Variants in HOOK1 observed in about 807,000 individuals in gnomAD.
HOOK1 encodes the protein hook microtubule tethering protein 1.
In HOOK1, 60 loss-of-function variants were observed where a neutral mutation model predicts 112.8. That is an observed-to-expected ratio of 0.53 (90% CI 0.43 to 0.66). The LOEUF is 0.66. Among genes scored for constraint, HOOK1 ranks in the 30% least tolerant of loss-of-function variants. The pLI is 0.00. For missense variants in HOOK1, 770 were observed against 856.0 expected, an observed-to-expected ratio of 0.90 and a Z score of 1.25; for synonymous variants, 294 against 283.8, an observed-to-expected ratio of 1.04 and a Z score of -0.36.
intron 1 of HOOK1, among the ~76,000 whole-genome samples, chr1:59,816,282 T>TAA (rs1395057524): frequency 1.3e-5 from 2 of 152,244 alleles, no homozygotes; most frequent in Non-Finnish European, 2.9e-5. Context: ...ACTTTGTAAG[T>TAA]AAATAACTTT....
chr1:59,863,804 C>A (rs1426327173), intron 16 of HOOK1: 1 of 937,834 alleles, frequency 1.1e-6, no homozygotes, highest in Non-Finnish European at 1.3e-6. Context: ...TTTTTTTTTT[C>A]CCTGGGGGCT....
chr1:59,826,422 A>G (rs901159695), intron 2 of HOOK1, among the ~76,000 whole-genome samples: 7 of 152,096 alleles, frequency 4.6e-5, no homozygotes, highest in Admixed American at 1.3e-4. Context: ...CTGCCATTAT[A>G]GTTGTTTGAG....
chr1:59,861,234 T>C (rs914277929), intron 15 of HOOK1, among the ~76,000 whole-genome samples: 1 of 152,192 alleles, frequency 6.6e-6, no homozygotes, highest in African/African-American at 2.4e-5. Flanking sequence ...TATTCTTGAA[T>C]TTCATTTAGA....
At chr1:59,817,285 A>G (rs992807142) in intron 1 of HOOK1, among the ~76,000 whole-genome samples, 9 of 152,186 alleles carry the variant, frequency 5.9e-5, no homozygotes, top group African/African-American at 2.2e-4. Flanking sequence ...ACTCTCATTC[A>G]GTCTTCAACC....
intron 10 of HOOK1, 105 bp downstream of exon 10, chr1:59,847,290 C>G: frequency 1.0e-6 from 1 of 980,936 alleles, no homozygotes; most frequent in South Asian, 1.6e-5. Flanking sequence ...TCCTGTATAT[C>G]AAGTATTGAT....
At chr1:59,864,582 G>T in intron 16 of HOOK1, 50 bp from the exon 17 acceptor site, 2 of 1,151,108 alleles carry the variant, frequency 1.7e-6, no homozygotes, top group South Asian at 2.6e-5. Flanking sequence ...CTGGAAAATT[G>T]ACCTTTGTCA....
chr1:59,816,998 T>C (rs1432369133), intron 1 of HOOK1, among the ~76,000 whole-genome samples: 1 of 152,214 alleles, frequency 6.6e-6, no homozygotes, highest in Admixed American at 6.5e-5. Flanking sequence ...CAACTCTTAT[T>C]CCTCTGGGGC....
At chr1:59,866,207 T>C (rs982566695) in intron 19 of HOOK1, among the ~76,000 whole-genome samples, 3 of 152,192 alleles carry the variant, frequency 2.0e-5, no homozygotes, top group Non-Finnish European at 4.4e-5. Context: ...AGACAGACTG[T>C]CGTGATGTCA....
intron 19 of HOOK1, among the ~76,000 whole-genome samples, chr1:59,866,212 A>G (rs1282900018): frequency 6.6e-6 from 1 of 152,200 alleles, no homozygotes; most frequent in African/African-American, 2.4e-5. Flanking sequence ...GACTGTCGTG[A>G]TGTCAGAGAG....
At chr1:59,832,108 A>T in intron 3 of HOOK1, 55 bp from the exon 4 acceptor site, 1 of 999,382 alleles carries the variant, frequency 1.0e-6, no homozygotes, top group East Asian at 2.5e-5. Context: ...ATGCTGACAT[A>T]ACTTTTCTTT....
chr1:59,862,149 T>C (rs1447276562), intron 15 of HOOK1, among the ~76,000 whole-genome samples: 2 of 152,198 alleles, frequency 1.3e-5, no homozygotes, highest in East Asian at 3.8e-4. Flanking sequence ...AATAGATAAT[T>C]GCTATATTAT....
At chr1:59,845,248 A>C (rs1349707217) in intron 9 of HOOK1, among the ~76,000 whole-genome samples, 2 of 151,936 alleles carry the variant, frequency 1.3e-5, no homozygotes, top group African/African-American at 4.8e-5. Flanking sequence ...CTCATAACTT[A>C]ATCACTTCCC....
At chr1:59,818,577 TA>T (rs777926877) in intron 1 of HOOK1, among the ~76,000 whole-genome samples, 50 of 152,240 alleles carry the variant, frequency 3.3e-4, no homozygotes, top group Non-Finnish European at 1.9e-4. Context: ...TTAATTCTGC[TA>T]CTTGGTTCTG....
chr1:59,862,760 T>C (rs946109063), intron 15 of HOOK1, 24 bp from the exon 16 acceptor site: 8 of 1,435,294 alleles, frequency 5.6e-6, no homozygotes, highest in Non-Finnish European at 7.8e-6. Flanking sequence ...TACAAGTAAA[T>C]GCTTATGACC....
rs1238662033 is a variant in HOOK1 at position 59,846,573 on chromosome 1, T to C, written c.789-472T>C. Among the ~76,000 whole-genome samples the C allele has an allele frequency of 4.0e-3, 242 of 60,614 alleles. 5 individuals carry two copies. The highest frequency in any genetic ancestry group is 0.021 in the African/African-American group (217 of 10,352). The allele number at this position is 60,614 out of a possible 152,430, so 39.8% of individuals were successfully genotyped here. A position where few individuals can be genotyped will look rare whatever the true frequency, so the allele number is the denominator to read the frequency against. ...TTCCTTCCTTCCTTCCTTCCTTCCTTCCTTCCTTCCTTCCTCCCTCCTCCC... is the reference window on the plus strand; with the variant it reads ...TTCCTTCCTTCCTTCCTTCCTTCCTCCCTTCCTTCCTTCCTCCCTCCTCCC... On this transcript the variant is annotated intron_variant, in intron 9 of 21. Transcript: ENST00000371208.
At chr1:59,844,544 C>T (rs935178592) in intron 9 of HOOK1, among the ~76,000 whole-genome samples, 4 of 151,706 alleles carry the variant, frequency 2.6e-5, no homozygotes, top group Non-Finnish European at 4.4e-5. Flanking sequence ...CAATTTTGTT[C>T]TTTCTTTTTC....
At chr1:59,821,773 C>A in intron 1 of HOOK1, 85 bp from the exon 2 acceptor site, 3 of 905,898 alleles carry the variant, frequency 3.3e-6, no homozygotes, top group Non-Finnish European at 4.8e-6. Context: ...TTTTTTTTAG[C>A]TGTTTTCAAT....
At chr1:59,822,586 G>C (rs1031510059) in intron 2 of HOOK1, among the ~76,000 whole-genome samples, 1 of 152,114 alleles carries the variant, frequency 6.6e-6, no homozygotes, top group African/African-American at 2.4e-5. Flanking sequence ...ATTGTTTAAG[G>C]GTTAGGGTTA....
chr1:59,837,815 A>G (rs914090891), intron 7 of HOOK1, among the ~76,000 whole-genome samples: 1 of 152,030 alleles, frequency 6.6e-6, no homozygotes, highest in Non-Finnish European at 1.5e-5. Context: ...TACCTACATT[A>G]GGTATTTCTC....
Sources: allele counts gnomAD v4.1 joint callset (sites outside exome capture counted in the v4.1 genomes callset), GRCh38; gene constraint gnomAD v4.1.1; transcripts MANE v1.5; gene names NCBI Gene and HGNC (gene_info 2026-07-23, HGNC 2026-07-21).